MTMR9: variants seen among roughly 807,000 people sequenced by gnomAD.
MTMR9 encodes the protein myotubularin-related protein 9.
In MTMR9, 39 loss-of-function variants were observed where a neutral mutation model predicts 69.5. That is an observed-to-expected ratio of 0.56 (90% CI 0.43 to 0.73). The LOEUF is 0.73. MTMR9 is among the 30% of genes least tolerant of loss of function. The pLI, the probability that MTMR9 is intolerant of heterozygous loss-of-function variation, is 0.00. For synonymous variants in MTMR9, 354 were observed against 240.8 expected (o/e 1.47, Z -4.35); for missense variants, 900 against 671.2 (o/e 1.34, Z -3.77).
At chr8:11,321,417 G>C in intron 9 of MTMR9, 2 of 456,378 alleles carry the variant, frequency 4.4e-6, no homozygotes, top group South Asian at 3.1e-5. Flanking sequence ...TAACTGAAAT[G>C]AGCGTAGCTG....
In MTMR9 at chr8:11,300,063, T is replaced by G; in HGVS notation, c.332T>G (p.Phe111Cys). Residue 111 changes from phenylalanine to cysteine, a missense_variant, in exon 3 of 10, where the codon TTC becomes TGC. Coordinates refer to ENST00000221086, the MANE Select transcript of MTMR9 (RefSeq NM_015458.4). ...TLDSITLMYP[F>C]FYRPMFEVIE... The stretch of plus-strand genomic sequence containing the variant: ...GACTCCATCACTCTGATGTACCCTT[T>G]CTTTTACCGTCCTATGTTTGAAGTG... 3.1e-6 allele frequency: 5 copies of G among 1,613,710 alleles called. No homozygotes were observed. Among genetic ancestry groups the G allele is most frequent in the Non-Finnish European group, 4.2e-6 (5 of 1,179,732 alleles).
In MTMR9 at chr8:11,322,838, G is replaced by A. The variant is rs552626922; in HGVS notation, c.*50G>A. ...GGACCTTCTTGGGCCTGTGTCCGCC[G>A]TTCTCTCCTTGTGCCCTTCAGTTCA... On this transcript the variant is annotated 3_prime_UTR_variant, in exon 10 of 10. Transcript: ENST00000221086. 2.6e-5 allele frequency: 41 copies of A among 1,550,364 alleles called. No homozygotes were observed. In the East Asian group the frequency reaches 6.1e-4, roughly 23 times the overall value.
At chr8:11,306,113 A>G in intron 4 of MTMR9, 77 bp from the exon 5 acceptor site, 3 of 1,254,476 alleles carry the variant, frequency 2.4e-6, no homozygotes, top group South Asian at 2.6e-5. Flanking sequence ...GATACTCTTA[A>G]TCTAGCTAAT....
chr8:11,294,423 T>C (rs1258221867), intron 1 of MTMR9, among the ~76,000 whole-genome samples: 1 of 152,078 alleles, frequency 6.6e-6, no homozygotes, highest in Non-Finnish European at 1.5e-5. Context: ...CCCTTCTGTT[T>C]CAAATTTGCT....
chr8:11,309,848 C>A (rs1800122549), intron 6 of MTMR9, among the ~76,000 whole-genome samples, 160 bp downstream of exon 6: 1 of 152,164 alleles, frequency 6.6e-6, no homozygotes, highest in African/African-American at 2.4e-5. Flanking sequence ...TGCCTAGAGT[C>A]TGGCATTTAA....
chr8:11,332,842 C>T (rs1015182694), downstream of MTMR9, among the ~76,000 whole-genome samples: 1 of 152,124 alleles, frequency 6.6e-6, no homozygotes, highest in Non-Finnish European at 1.5e-5. Context: ...CCTTGTGATC[C>T]ACCCGCCTTG....
At chr8:11,338,912 G>A in the MTMR9 span, among the ~76,000 whole-genome samples, 3 of 152,142 alleles carry the variant, frequency 2.0e-5, no homozygotes, top group Non-Finnish European at 2.9e-5. Context: ...TGGGAAGAAG[G>A]GAGTCCATAG....
downstream of MTMR9, chr8:11,331,070 C>A: frequency 3.2e-6 from 5 of 1,561,034 alleles, no homozygotes; most frequent in Non-Finnish European, 3.5e-6. Context: ...GGCCCAGGCT[C>A]CCTGAGCCAG....
chr8:11,315,550 C>G (rs977214751), intron 7 of MTMR9, among the ~76,000 whole-genome samples: 1 of 152,192 alleles, frequency 6.6e-6, no homozygotes, highest in Non-Finnish European at 1.5e-5. Flanking sequence ...GGATTGATAT[C>G]CTCCACAGAG....
At chr8:11,306,148 A>C in intron 4 of MTMR9, 42 bp from the exon 5 acceptor site, 9 of 1,570,752 alleles carry the variant, frequency 5.7e-6, no homozygotes, top group Non-Finnish European at 7.8e-6. Flanking sequence ...AGAAACTTTA[A>C]AAGCAACTGC....
chr8:11,290,342 C>A (rs762779432), intron 1 of MTMR9, among the ~76,000 whole-genome samples: 25 of 151,808 alleles, frequency 1.6e-4, no homozygotes, highest in Non-Finnish European at 3.4e-4. Context: ...TGCATGGGTA[C>A]CTTGTATACT....
At chr8:11,308,569 T>C (rs1194719009) in intron 5 of MTMR9, among the ~76,000 whole-genome samples, 1 of 152,196 alleles carries the variant, frequency 6.6e-6, no homozygotes, top group Non-Finnish European at 1.5e-5. Flanking sequence ...GACTCAGTCT[T>C]GGTAGGTTGT....
At chr8:11,328,344 C>CGTGT (rs151066674), downstream of MTMR9, among the ~76,000 whole-genome samples, 1,439 of 90,970 alleles carry the variant, frequency 0.016, 16 homozygotes, top group African/African-American at 0.032. Flanking sequence ...TTTAATACCA[C>CGTGT]GTGTGTGTGT....
At chr8:11,303,660 A>G (rs1463239716) in intron 3 of MTMR9, among the ~76,000 whole-genome samples, 1 of 151,996 alleles carries the variant, frequency 6.6e-6, no homozygotes, top group Non-Finnish European at 1.5e-5. Flanking sequence ...CAGCATCCTA[A>G]GTAGCTGGAA....
At chr8:11,294,116 G>T (rs1360127705) in intron 1 of MTMR9, among the ~76,000 whole-genome samples, 1 of 152,186 alleles carries the variant, frequency 6.6e-6, no homozygotes, top group East Asian at 1.9e-4. Context: ...TGTATCACTG[G>T]ATGAATTTGG....
At chr8:11,295,109 A>G in intron 1 of MTMR9, 85 bp from the exon 2 acceptor site, 2 of 733,044 alleles carry the variant, frequency 2.7e-6, no homozygotes, top group South Asian at 2.0e-5. Context: ...GGTAACTACA[A>G]CTATATTCTC....
Position 11,315,055 on chromosome 8 carries a change from G to A in MTMR9, c.1104G>A (p.Glu368=), listed in dbSNP as rs1177988347. The A allele has an allele frequency of 6.2e-7, 1 of 1,613,466 alleles. No individual in the cohort carries two copies. Among genetic ancestry groups the A allele is most frequent in the South Asian group, 1.1e-5 (1 of 91,032 alleles). ...IRGFEALIER[E]WLQAGHPFQQ... ...GTTTTGAGGCCCTGATTGAAAGAGAGTGGCTGCAGGTGAGAAGAGCTGTTT... is the reference window on the plus strand; with the variant it reads ...GTTTTGAGGCCCTGATTGAAAGAGAATGGCTGCAGGTGAGAAGAGCTGTTT... The change falls in exon 7 of 10, where the codon GAG becomes GAA. Residue 368 remains glutamate, a synonymous_variant. Transcript: ENST00000221086.
intron 9 of MTMR9, among the ~76,000 whole-genome samples, 160 bp from the exon 10 acceptor site, chr8:11,322,465 A>G (rs972345560): frequency 3.3e-5 from 5 of 152,232 alleles, no homozygotes; most frequent in Non-Finnish European, 7.3e-5. Flanking sequence ...GTACCTCAAG[A>G]TTCCTGTATA....
At chr8:11,291,518 G>A (rs1799380403) in intron 1 of MTMR9, among the ~76,000 whole-genome samples, 5 of 152,068 alleles carry the variant, frequency 3.3e-5, no homozygotes, top group Admixed American at 6.6e-5. Flanking sequence ...GTTTTGTGGA[G>A]CTCTTATGTT....
Sources: allele counts gnomAD v4.1 joint callset (sites outside exome capture counted in the v4.1 genomes callset), GRCh38; gene constraint gnomAD v4.1.1; transcripts MANE v1.5; gene names NCBI Gene and HGNC (gene_info 2026-07-23, HGNC 2026-07-21).